HYAL4: variants seen among roughly 807,000 people sequenced by gnomAD.
The protein encoded by HYAL4 is hyaluronidase-4.
Under a neutral mutation model 35.2 loss-of-function variants are expected in HYAL4, and 37 were observed. The ratio of observed to expected loss-of-function variants is 1.05; its 90% CI spans 0.81 to 1.38. The LOEUF (loss-of-function observed/expected upper bound fraction) is 1.38, where lower values mean the gene tolerates loss of function less well. HYAL4 is among the 40% of genes most tolerant of loss of function. The pLI, the probability that HYAL4 is intolerant of heterozygous loss-of-function variation, is 0.00. For synonymous variants in HYAL4, 198 were observed against 203.2 expected, an observed-to-expected ratio of 0.97 and a Z score of 0.22; for missense variants, 572 against 572.4, an observed-to-expected ratio of 1.00 and a Z score of 0.01.
chr7:123,766,468 TTC>T, the HYAL4 span, among the ~76,000 whole-genome samples: 1 of 152,154 alleles, frequency 6.6e-6, no homozygotes. Context: ...GCTTATTTTT[TTC>T]TTTTCGTTAA....
upstream of HYAL4, among the ~76,000 whole-genome samples, chr7:123,843,092 A>G (rs533868710): frequency 3.9e-4 from 59 of 151,960 alleles, no homozygotes; most frequent in Non-Finnish European, 6.5e-4. Flanking sequence ...TCTTCATAGC[A>G]TCGATGGTCT....
In HYAL4 at chr7:123,875,678, A is replaced by T. The variant is rs534585954; in HGVS notation, c.1044+828A>T. Among the ~76,000 whole-genome samples the T allele has an allele frequency of 4.0e-5, 6 of 151,806 alleles. No individual in the cohort carries two copies. In the East Asian group the frequency reaches 7.8e-4, roughly 20 times the overall value. ...TCTCAAAAAAAAAAAAAAAAGAAAA[A>T]AAAAAGATTTATATGGCTCTTCAAA... On this transcript the variant is annotated intron_variant, in intron 4 of 4. Transcript: ENST00000223026.
the HYAL4 span, among the ~76,000 whole-genome samples, chr7:123,774,594 T>C: frequency 1.3e-5 from 2 of 152,344 alleles, no homozygotes; most frequent in Non-Finnish European, 2.9e-5. Flanking sequence ...TCATAGGATC[T>C]CCTTGAAATG....
upstream of HYAL4, chr7:123,844,361 T>C (rs1246775111): frequency 2.0e-5 from 3 of 152,142 alleles, no homozygotes; most frequent in African/African-American, 7.2e-5. Context: ...AGAGCAAATA[T>C]TGCTGAACAA....
At chr7:123,792,324 G>C in the HYAL4 span, among the ~76,000 whole-genome samples, 1 of 152,192 alleles carries the variant, frequency 6.6e-6, no homozygotes, top group Non-Finnish European at 1.5e-5. Context: ...GATGCCTTAA[G>C]TTGTGGAAGT....
At chr7:123,846,808 A>G (rs927281976) in intron 1 of HYAL4, among the ~76,000 whole-genome samples, 3 of 152,196 alleles carry the variant, frequency 2.0e-5, no homozygotes, top group African/African-American at 4.8e-5. Context: ...CAGAGAGTCC[A>G]CAGGGCTTTT....
chr7:123,768,877 C>A, the HYAL4 span, among the ~76,000 whole-genome samples: 1 of 152,152 alleles, frequency 6.6e-6, no homozygotes, highest in Non-Finnish European at 1.5e-5. Context: ...AATGATGTTG[C>A]CCCTGTTTCT....
the HYAL4 span, chr7:123,814,526 G>C: frequency 6.6e-6 from 1 of 152,604 alleles, no homozygotes; most frequent in Non-Finnish European, 1.5e-5. Flanking sequence ...AGAAGAACTT[G>C]TTGTTATTGA....
chr7:123,855,078 T>A (rs1806402387), intron 2 of HYAL4, among the ~76,000 whole-genome samples: 1 of 152,184 alleles, frequency 6.6e-6, no homozygotes, highest in African/African-American at 2.4e-5. Flanking sequence ...CATTCCTTTA[T>A]TTTGAACTTA....
chr7:123,770,004 A>G, the HYAL4 span, among the ~76,000 whole-genome samples: 1 of 151,918 alleles, frequency 6.6e-6, no homozygotes. Context: ...AACAATATTT[A>G]AAAAGAGAGG....
intron 2 of HYAL4, among the ~76,000 whole-genome samples, chr7:123,857,220 C>T (rs1052024330): frequency 3.4e-4 from 51 of 152,112 alleles, no homozygotes; most frequent in African/African-American, 1.2e-3. Context: ...GTTCCAGGTG[C>T]CACTGGGGTA....
At chr7:123,875,073 A>T (rs1195132902) in intron 4 of HYAL4, among the ~76,000 whole-genome samples, 1 of 152,182 alleles carries the variant, frequency 6.6e-6, no homozygotes, top group Non-Finnish European at 1.5e-5. Context: ...AGGTTGTGCT[A>T]AGAGATTTTT....
the HYAL4 span, among the ~76,000 whole-genome samples, chr7:123,820,190 GC>G: frequency 6.6e-6 from 1 of 151,912 alleles, no homozygotes; most frequent in Non-Finnish European, 1.5e-5. Flanking sequence ...ACTGTACCTG[GC>G]CCAAAAATGA....
chr7:123,833,607 G>GT (rs1194640464), intron 1 of HYAL4, among the ~76,000 whole-genome samples: 1 of 151,784 alleles, frequency 6.6e-6, no homozygotes, highest in Non-Finnish European at 1.5e-5. Context: ...ATTTATCTTT[G>GT]TTTTTTTCAT....
At chr7:123,870,452 A>G (rs1384339974) in intron 3 of HYAL4, among the ~76,000 whole-genome samples, 3 of 152,166 alleles carry the variant, frequency 2.0e-5, no homozygotes, top group African/African-American at 7.2e-5. Flanking sequence ...GGAAGTCAGT[A>G]CCGTCTGAAA....
At chr7:123,871,640 A>G (rs1806886130) in intron 3 of HYAL4, among the ~76,000 whole-genome samples, 1 of 152,240 alleles carries the variant, frequency 6.6e-6, no homozygotes, top group Non-Finnish European at 1.5e-5. Context: ...ATTCACTAGT[A>G]AGTAGCAAAT....
the HYAL4 span, among the ~76,000 whole-genome samples, chr7:123,795,195 C>G: frequency 2.0e-5 from 3 of 152,350 alleles, no homozygotes; most frequent in East Asian, 5.8e-4. Flanking sequence ...TACCCAATGC[C>G]TGTACCCCCA....
intron 1 of HYAL4, among the ~76,000 whole-genome samples, chr7:123,831,876 C>T (rs1395806288): frequency 6.6e-6 from 1 of 152,100 alleles, no homozygotes; most frequent in Non-Finnish European, 1.5e-5. Flanking sequence ...TAGTAGAACC[C>T]CTCATAATTA....
intron 1 of HYAL4, among the ~76,000 whole-genome samples, chr7:123,835,889 C>G (rs1019697022): frequency 4.6e-5 from 7 of 152,098 alleles, no homozygotes; most frequent in African/African-American, 9.7e-5. Flanking sequence ...GGTTTTAAAG[C>G]TTCCTTTTTG....
Sources: gnomAD v4.1 joint callset for allele counts (sites outside exome capture counted in the v4.1 genomes callset) on GRCh38, gnomAD v4.1.1 for gene constraint, MANE v1.5 for transcripts, NCBI Gene and HGNC (gene_info 2026-07-23, HGNC 2026-07-21) for gene names.